CCDC3: variants seen among roughly 807,000 people sequenced by gnomAD.
CCDC3 encodes the protein coiled-coil domain containing 3.
In CCDC3, 24 loss-of-function variants were observed where a neutral mutation model predicts 21.4. The observed-to-expected ratio is 1.12, with a 90% CI of 0.81 to 1.58. The LOEUF (loss-of-function observed/expected upper bound fraction) is 1.58, where lower values mean the gene tolerates loss of function less well. CCDC3 is among the 40% of genes most tolerant of loss of function. The probability of loss-of-function intolerance (pLI) is 0.00; values close to 1 mark genes in which losing one functional copy is unlikely to be tolerated. For synonymous variants in CCDC3, 186 were observed against 166.0 expected, an observed-to-expected ratio of 1.12 and a Z score of -0.93; for missense variants, 425 against 360.9, an observed-to-expected ratio of 1.18 and a Z score of -1.44.
chr10:12,914,880 A>C (rs1031387106), intron 2 of CCDC3, among the ~76,000 whole-genome samples: 2 of 151,712 alleles, frequency 1.3e-5, no homozygotes, highest in African/African-American at 2.4e-5. Flanking sequence ...TTTCCTTCTA[A>C]CTTTGGGCTT....
intron 2 of CCDC3, among the ~76,000 whole-genome samples, chr10:12,997,342 C>T (rs1013096060): frequency 5.3e-5 from 8 of 152,156 alleles, no homozygotes; most frequent in African/African-American, 9.7e-5. Flanking sequence ...AATCGGGGAC[C>T]GGAAGAGATG....
intron 2 of CCDC3, among the ~76,000 whole-genome samples, chr10:12,931,208 C>CAAAAAAA (rs67541166): frequency 2.3e-4 from 17 of 75,046 alleles, no homozygotes; most frequent in African/African-American, 7.6e-4. Flanking sequence ...AAGACTCTGT[C>CAAAAAAA]AAAAAAAAAA....
intron 4 of CCDC3, among the ~76,000 whole-genome samples, chr10:13,065,928 G>C (rs1170058079): frequency 6.6e-6 from 1 of 152,156 alleles, no homozygotes; most frequent in Non-Finnish European, 1.5e-5. Flanking sequence ...GAATTAATAA[G>C]TTCAGGAAAG....
intron 3 of CCDC3, among the ~76,000 whole-genome samples, chr10:13,078,305 A>C (rs1409526799): frequency 6.6e-6 from 1 of 152,192 alleles, no homozygotes; most frequent in Non-Finnish European, 1.5e-5. Flanking sequence ...CAAAACCACA[A>C]TGAGATACCA....
chr10:13,078,024 T>G (rs959579074), intron 3 of CCDC3, among the ~76,000 whole-genome samples: 13 of 152,034 alleles, frequency 8.6e-5, no homozygotes, highest in Non-Finnish European at 1.9e-4. Context: ...CTAATTAAAC[T>G]AAAGAGCTTC....
intron 2 of CCDC3, among the ~76,000 whole-genome samples, chr10:12,953,691 G>A (rs1420196969): frequency 6.6e-6 from 1 of 152,194 alleles, no homozygotes; most frequent in Admixed American, 6.5e-5. Context: ...GTGGAGCTGT[G>A]ACTTCAGAAG....
At chr10:13,051,131 C>T (rs546893510) in intron 4 of CCDC3, among the ~76,000 whole-genome samples, 1 of 152,080 alleles carries the variant, frequency 6.6e-6, no homozygotes, top group South Asian at 2.1e-4. Context: ...TTTGGGATTC[C>T]TTTGAGTTAT....
chr10:12,907,090 C>T (rs537290196), intron 2 of CCDC3, among the ~76,000 whole-genome samples: 15 of 152,296 alleles, frequency 9.8e-5, no homozygotes, highest in African/African-American at 3.4e-4. Flanking sequence ...TCAAGTTTAT[C>T]GCATGGGGCT....
At chr10:12,948,691 A>T (rs959934786) in intron 2 of CCDC3, among the ~76,000 whole-genome samples, 3 of 151,424 alleles carry the variant, frequency 2.0e-5, no homozygotes, top group African/African-American at 7.3e-5. Flanking sequence ...ACTGAAGACG[A>T]AAAGGGGTAA....
chr10:12,916,261 GTC>G (rs374095737), intron 2 of CCDC3, among the ~76,000 whole-genome samples: 350 of 152,086 alleles, frequency 2.3e-3, no homozygotes, highest in African/African-American at 7.2e-3. Context: ...GTGAAACCCC[GTC>G]TCTACTACAA....
At chr10:12,899,130 G>A (rs1312161944) in intron 2 of CCDC3, among the ~76,000 whole-genome samples, 2 of 143,742 alleles carry the variant, frequency 1.4e-5, no homozygotes, top group African/African-American at 5.9e-5. Context: ...ACTGAAGGGA[G>A]GGGTTCCCTT....
intron 4 of CCDC3, chr10:13,058,490 G>T: frequency 1.3e-6 from 1 of 750,824 alleles, no homozygotes; most frequent in South Asian, 1.4e-5. Flanking sequence ...TAAGCAATCT[G>T]ACAAATGATA....
intron 5 of CCDC3, among the ~76,000 whole-genome samples, chr10:13,036,145 AAAAC>A (rs986080567): frequency 4.7e-4 from 72 of 151,926 alleles, no homozygotes; most frequent in Admixed American, 1.4e-3. Context: ...TCTGTCTCAA[AAAAC>A]AAACAAACAA....
intron 3 of CCDC3, among the ~76,000 whole-genome samples, chr10:13,088,674 C>T (rs751177127): frequency 7.9e-5 from 12 of 152,212 alleles, no homozygotes; most frequent in East Asian, 5.8e-4. Flanking sequence ...GCAAATGAGG[C>T]GTTAAGCAGC....
chr10:12,972,167 C>T (rs567258694), intron 2 of CCDC3, among the ~76,000 whole-genome samples: 1 of 152,220 alleles, frequency 6.6e-6, no homozygotes, highest in East Asian at 1.9e-4. Context: ...ACCAAGCTCA[C>T]GCACCCACAC....
intron 2 of CCDC3, among the ~76,000 whole-genome samples, chr10:12,981,151 G>C (rs1292032301): frequency 6.7e-6 from 1 of 149,726 alleles, no homozygotes. Flanking sequence ...AGGATTACAA[G>C]TGTGAGCCAC....
intron 2 of CCDC3, among the ~76,000 whole-genome samples, chr10:12,970,568 CTTAA>C (rs980642450): frequency 2.0e-5 from 3 of 152,132 alleles, no homozygotes; most frequent in Non-Finnish European, 4.4e-5. Context: ...ACAACTTTTA[CTTAA>C]TTAAATAAAT....
intron 2 of CCDC3, among the ~76,000 whole-genome samples, chr10:12,939,154 C>A (rs545313135): frequency 6.6e-6 from 1 of 151,972 alleles, no homozygotes; most frequent in African/African-American, 2.4e-5. Context: ...CTATCACTTC[C>A]GCATTCGCCC....
chr10:13,052,973 CACACACACACACAT>C (rs1413693368), intron 4 of CCDC3, among the ~76,000 whole-genome samples: 1,517 of 88,258 alleles, frequency 0.017, 24 homozygotes, highest in African/African-American at 0.041. Context: ...CACACACACA[CACACACACACACAT>C]ACACACACAC....
Sources: allele counts gnomAD v4.1 joint callset (sites outside exome capture counted in the v4.1 genomes callset), GRCh38; gene constraint gnomAD v4.1.1; transcripts MANE v1.5; gene names NCBI Gene and HGNC (gene_info 2026-07-23, HGNC 2026-07-21).